Variants in MEGF10 observed in about 807,000 individuals in gnomAD.
MEGF10 encodes the protein multiple EGF like domains 10.
MEGF10 carries 86 observed loss-of-function variants against 147.5 expected under a neutral mutation model. The observed-to-expected ratio is 0.58, with a 90% CI of 0.49 to 0.70. The LOEUF (loss-of-function observed/expected upper bound fraction) is 0.70, where lower values mean the gene tolerates loss of function less well. MEGF10 is among the 30% of genes least tolerant of loss of function. The probability of loss-of-function intolerance (pLI) is 0.00; values close to 1 mark genes in which losing one functional copy is unlikely to be tolerated. For missense variants in MEGF10, 1,329 were observed against 1,487.3 expected (o/e 0.89, Z 1.75); for synonymous variants, 478 against 525.5 (o/e 0.91, Z 1.24).
chr5:127,385,496 C>T (rs1020540919), intron 5 of MEGF10, among the ~76,000 whole-genome samples: 13 of 151,564 alleles, frequency 8.6e-5, no homozygotes, highest in African/African-American at 2.9e-4. Flanking sequence ...TGGTCTCATA[C>T]TCCTGACCTC....
intron 4 of MEGF10, among the ~76,000 whole-genome samples, chr5:127,342,102 T>G (rs1411995028): frequency 6.6e-6 from 1 of 152,210 alleles, no homozygotes; most frequent in Non-Finnish European, 1.5e-5. Context: ...TTTCTTTGAT[T>G]AATAATGATG....
intron 1 of MEGF10, among the ~76,000 whole-genome samples, chr5:127,303,054 G>A (rs1197458891): frequency 6.6e-6 from 1 of 151,896 alleles, no homozygotes; most frequent in Non-Finnish European, 1.5e-5. Flanking sequence ...AGATAAGGTT[G>A]GGGTCAGTGC....
Position 127,445,700 on chromosome 5 carries a change from G to A in MEGF10, c.2728+7G>A. 1.9e-6 allele frequency: 3 copies of A among 1,603,906 alleles called. No homozygotes were observed. The highest frequency in any genetic ancestry group is 2.6e-6 in the Non-Finnish European group (3 of 1,170,866). On this transcript the variant is annotated splice_region_variant and intron_variant, in intron 20 of 24. Transcript: ENST00000503335. ...GCAGATTATACCATTTCAGGTAAGA[G>A]CAGAGGCAGGAGAGGCATTTTGCTT...
chr5:127,254,921 TAGAGAA>T, the MEGF10 span, among the ~76,000 whole-genome samples: 1 of 151,056 alleles, frequency 6.6e-6, no homozygotes, highest in South Asian at 2.1e-4. Flanking sequence ...GGTATTGCAG[TAGAGAA>T]AGAGTTTAAT....
intron 2 of MEGF10, among the ~76,000 whole-genome samples, chr5:127,335,406 T>C (rs2084035054): frequency 1.3e-5 from 2 of 152,166 alleles, no homozygotes; most frequent in Admixed American, 6.6e-5. Flanking sequence ...GTATGGAGTG[T>C]TAGCAGAGGA....
intron 6 of MEGF10, among the ~76,000 whole-genome samples, chr5:127,396,988 A>C (rs1177285246): frequency 6.6e-6 from 1 of 152,176 alleles, no homozygotes; most frequent in Non-Finnish European, 1.5e-5. Context: ...TCCCAGCCTG[A>C]ATCTAAGGGT....
the MEGF10 span, among the ~76,000 whole-genome samples, chr5:127,269,537 GAA>G: frequency 6.6e-5 from 10 of 152,070 alleles, no homozygotes; most frequent in African/African-American, 2.4e-4. Flanking sequence ...GAAGTTTAGA[GAA>G]AAAAGAGTAA....
intron 1 of MEGF10, among the ~76,000 whole-genome samples, chr5:127,317,050 C>A (rs246946): frequency 6.6e-6 from 1 of 152,054 alleles, no homozygotes. Context: ...ATTGTTCAAG[C>A]GACATATACA....
intron 8 of MEGF10, among the ~76,000 whole-genome samples, chr5:127,407,363 C>A (rs926436293): frequency 4.6e-5 from 7 of 152,108 alleles, no homozygotes; most frequent in African/African-American, 1.4e-4. Context: ...TACCTGTCAC[C>A]CCTTACACGT....
chr5:127,366,228 C>G (rs1047368222), intron 4 of MEGF10, among the ~76,000 whole-genome samples: 1 of 152,046 alleles, frequency 6.6e-6, no homozygotes, highest in Non-Finnish European at 1.5e-5. Context: ...GTTGGGACAT[C>G]AGAGAATAAA....
At chr5:127,428,141 ATTTTTTT>A (rs66935934) in intron 13 of MEGF10, among the ~76,000 whole-genome samples, 3,600 of 103,688 alleles carry the variant, frequency 0.035, 54 homozygotes, top group Middle Eastern at 0.12. Flanking sequence ...GGTGTCTGGT[ATTTTTTT>A]TTTTTTTTTT....
At chr5:127,286,379 A>C (rs1228451132), upstream of MEGF10, among the ~76,000 whole-genome samples, 1 of 152,084 alleles carries the variant, frequency 6.6e-6, no homozygotes, top group Non-Finnish European at 1.5e-5. Context: ...CTCCCCTTGT[A>C]ACATACTCTA....
chr5:127,334,699 CCTT>C (rs1351230205), intron 2 of MEGF10, among the ~76,000 whole-genome samples: 1 of 152,086 alleles, frequency 6.6e-6, no homozygotes, highest in Admixed American at 6.6e-5. Flanking sequence ...CTTCTCCTAA[CCTT>C]CTTTCTGTAT....
At chr5:127,419,970 G>C (rs994539609) in intron 11 of MEGF10, 74 bp from the exon 12 acceptor site, 1 of 1,532,252 alleles carries the variant, frequency 6.5e-7, no homozygotes, top group Non-Finnish European at 8.8e-7. Context: ...AAAGAGAAAC[G>C]TGGTTTGGAA....
intron 4 of MEGF10, among the ~76,000 whole-genome samples, chr5:127,349,244 A>G (rs1349309009): frequency 6.6e-6 from 1 of 152,146 alleles, no homozygotes; most frequent in Admixed American, 6.6e-5. Context: ...AGGTTGAAAG[A>G]TAGTTACCTT....
intron 13 of MEGF10, among the ~76,000 whole-genome samples, chr5:127,432,053 G>T (rs1472930498): frequency 6.6e-6 from 1 of 152,210 alleles, no homozygotes; most frequent in South Asian, 2.1e-4. Context: ...ACCCCAATTG[G>T]TTTATGAACA....
At chr5:127,381,191 A>G (rs747725175) in intron 5 of MEGF10, among the ~76,000 whole-genome samples, 65 of 152,350 alleles carry the variant, frequency 4.3e-4, no homozygotes, top group Non-Finnish European at 5.1e-4. Flanking sequence ...AATGGTGTAC[A>G]AATGCATACA....
intron 9 of MEGF10, among the ~76,000 whole-genome samples, chr5:127,414,087 G>A (rs761085376): frequency 2.6e-5 from 4 of 152,118 alleles, no homozygotes; most frequent in Non-Finnish European, 5.9e-5. Context: ...TTTATCAAAT[G>A]TAAGGACTTA....
chr5:127,400,695 T>G lies in MEGF10; in HGVS notation c.781-1851T>G, dbSNP rs563110536. Among the ~76,000 whole-genome samples, 11 of 152,148 alleles carry G rather than the reference T, an allele frequency of 7.2e-5. No homozygotes were observed. The South Asian group carries it at 2.1e-3, about 29-fold the overall frequency. Reference sequence around the variant, plus strand: ...CCTTGCCTTGAGGCTGAAGCTCTTCTCAGTTGGGATGGTCAGGATGTGGGT... The same window carrying G: ...CCTTGCCTTGAGGCTGAAGCTCTTCGCAGTTGGGATGGTCAGGATGTGGGT... On this transcript the variant is annotated intron_variant, in intron 7 of 24. Transcript: ENST00000503335.
Sources: allele counts gnomAD v4.1 joint callset (sites outside exome capture counted in the v4.1 genomes callset), GRCh38; gene constraint gnomAD v4.1.1; transcripts MANE v1.5; gene names NCBI Gene and HGNC (gene_info 2026-07-23, HGNC 2026-07-21).